LAMA2: variants seen among roughly 807,000 people sequenced by gnomAD.
LAMA2 encodes laminin subunit alpha-2.
LAMA2 carries 269 observed loss-of-function variants against 364.8 expected under a neutral mutation model. The ratio of observed to expected loss-of-function variants is 0.74; its 90% confidence interval spans 0.67 to 0.82. The LOEUF (loss-of-function observed/expected upper bound fraction) is 0.82, where lower values mean the gene tolerates loss of function less well. Ranked by LOEUF, LAMA2 falls within the 40% of genes least tolerant of loss-of-function variation. LAMA2 has a pLI of 0.00. For missense variants in LAMA2, 3,807 were observed against 3,873.2 expected (o/e 0.98, Z 0.45); for synonymous variants, 1,379 against 1,370.6 (o/e 1.01, Z -0.14).
intron 32 of LAMA2, among the ~76,000 whole-genome samples, chr6:129,360,465 AC>A (rs1477524643): frequency 2.0e-5 from 3 of 152,132 alleles, no homozygotes; most frequent in Non-Finnish European, 4.4e-5. Flanking sequence ...TTACCTTATA[AC>A]TTCATGAGCT....
rs374656305 is a variant in LAMA2, at chr6:129,315,535, G to A, written c.3615G>A (p.Thr1205=). Residue 1205 remains threonine (T), a synonymous_variant, in exon 25 of 65, where the codon ACG becomes ACA. Transcript: ENST00000421865. ...TGGTAGATGAGGCTCTGCAGCACAC[G>A]ACCACCAAGGGCATTGTTTTTCAAC... ...LPLVDEALQH[T]TTKGIVFQHP... is the part of the protein sequence containing the mutation. 1.4e-5 allele frequency: 23 copies of A among 1,613,998 alleles called. No individual in the cohort carries two copies. Among genetic ancestry groups the A allele is most frequent in the African/African-American group, 1.1e-4 (8 of 74,898 alleles).
chr6:129,152,591 C>T (rs539566603), intron 7 of LAMA2, among the ~76,000 whole-genome samples: 1 of 152,264 alleles, frequency 6.6e-6, no homozygotes, highest in East Asian at 1.9e-4. Flanking sequence ...TTCAGGCATT[C>T]TGCTAAGCAT....
chr6:129,119,268 A>AT (rs1410439696), intron 4 of LAMA2, among the ~76,000 whole-genome samples: 5 of 152,082 alleles, frequency 3.3e-5, no homozygotes, highest in South Asian at 2.1e-4. Context: ...AATGTTGTAC[A>AT]TTTTTTTAAT....
chr6:128,941,749 T>G (rs896685716), intron 1 of LAMA2, among the ~76,000 whole-genome samples: 9 of 152,148 alleles, frequency 5.9e-5, no homozygotes, highest in Non-Finnish European at 1.3e-4. Context: ...GATACACCAT[T>G]AAATATATTC....
intron 3 of LAMA2, among the ~76,000 whole-genome samples, chr6:129,087,207 A>G (rs1350156680): frequency 6.6e-6 from 1 of 152,198 alleles, no homozygotes; most frequent in Admixed American, 6.5e-5. Context: ...TACCATAACT[A>G]GCCTATCTCA....
In LAMA2 at chr6:129,465,276, A is replaced by T; in HGVS notation, c.7287A>T (p.Arg2429Ser). 2.5e-6 allele frequency: 4 copies of T among 1,611,278 alleles called. No individual in the cohort carries two copies. Among genetic ancestry groups the T allele is most frequent in the Non-Finnish European group, 3.4e-6 (4 of 1,178,058 alleles). Reference protein sequence around the residue: ...DGKWKSFTLSRIQKQANISIV... With the variant: ...DGKWKSFTLSSIQKQANISIV... ...AATGGAAATCATTCACTCTGTCAAG[A>T]ATTCAAAAACAAGGTGAGTTTTTAC... is the stretch of plus-strand genomic sequence containing the variant. The change falls in exon 51 of 65, where the codon AGA (arginine) becomes AGT (serine). Residue 2429 changes from arginine (R) to serine (S), a missense_variant. Physicochemically the swap from Arg to Ser is moderately radical, Grantham distance 110. Around this residue, in one of 3 missense-constraint regions of LAMA2, gnomAD observed 3,333 missense variants for 3,345.7 expected, o/e 1.00. Transcript: ENST00000421865.
intron 16 of LAMA2, among the ~76,000 whole-genome samples, chr6:129,269,881 A>G (rs1480882767): frequency 5.9e-5 from 9 of 152,174 alleles, no homozygotes. Flanking sequence ...TATCTTTTAA[A>G]AAGTTTTGTT....
chr6:129,466,261 T>C (rs1280668740), intron 51 of LAMA2, among the ~76,000 whole-genome samples: 1 of 151,876 alleles, frequency 6.6e-6, no homozygotes, highest in East Asian at 1.9e-4. Flanking sequence ...ATTGCTGTGA[T>C]AGAGATGTAT....
intron 34 of LAMA2, among the ~76,000 whole-genome samples, chr6:129,376,441 C>T (rs1017294282): frequency 4.6e-5 from 7 of 152,146 alleles, no homozygotes; most frequent in Non-Finnish European, 7.4e-5. Flanking sequence ...ATCTGTTCTC[C>T]GTAACGTAGC....
chr6:128,986,089 A>C (rs866734437), intron 1 of LAMA2, among the ~76,000 whole-genome samples: 2 of 152,114 alleles, frequency 1.3e-5, no homozygotes, highest in African/African-American at 4.8e-5. Flanking sequence ...TTGTATCTCT[A>C]TGAACTCATA....
chr6:129,194,949 A>T (rs946772627), intron 12 of LAMA2, among the ~76,000 whole-genome samples: 6 of 152,224 alleles, frequency 3.9e-5, no homozygotes, highest in Non-Finnish European at 8.8e-5. Context: ...TTGAGGCTAA[A>T]TTCTTTACCA....
intron 3 of LAMA2, among the ~76,000 whole-genome samples, chr6:129,070,814 G>T (rs1357139360): frequency 6.6e-6 from 1 of 152,108 alleles, no homozygotes; most frequent in Non-Finnish European, 1.5e-5. Flanking sequence ...GTCTTTTAAT[G>T]AAACATGCAT....
rs2114697609 is a variant in LAMA2 at position 129,403,835 on chromosome 6, C to G, written c.5741C>G (p.Ala1914Gly). The G allele has an allele frequency of 6.2e-7, 1 of 1,613,504 alleles. No individual in the cohort carries two copies. The highest frequency in any genetic ancestry group is 8.5e-7 in the Non-Finnish European group (1 of 1,179,618). The stretch of plus-strand genomic sequence containing the variant: ...CATCCCACCAGAATCCTTGATGAGG[C>G]TAAAAACATCTCCTTCAATGCCACT... ...SAVLDGILDE[A>G]KNISFNATAA... is the part of the protein sequence containing the mutation. Residue 1914 changes from alanine to glycine, a missense_variant, in exon 40 of 65, where the codon GCT (alanine) becomes GGT (glycine). Around this residue, in one of 3 missense-constraint regions of LAMA2, gnomAD observed 3,333 missense variants for 3,345.7 expected, o/e 1.00. Transcript: ENST00000421865.
rs151334775 is a variant in LAMA2 at position 129,503,200 on chromosome 6, C to T, written c.8467C>T (p.Pro2823Ser). 185 of 1,613,936 alleles carry T rather than the reference C, an allele frequency of 1.1e-4. No homozygotes were observed. The highest frequency in any genetic ancestry group is 1.5e-4 in the Non-Finnish European group (176 of 1,179,974). The change falls in exon 60 of 65, where the codon CCC (proline) becomes TCC (serine). Residue 2823 changes from proline (P) to serine (S), a missense_variant. Physicochemically the swap from Pro to Ser is moderately conservative, Grantham distance 74. Around this residue, in one of 3 missense-constraint regions of LAMA2, gnomAD observed 3,333 missense variants for 3,345.7 expected, o/e 1.00. Transcript: ENST00000421865. Reference protein sequence around the residue: ...FATVQLRNGLPYFSYDLGSGD... With the variant: ...FATVQLRNGLSYFSYDLGSGD... ...AACAGTTCAGCTGAGAAATGGATTG[C>T]CCTACTTCAGCTATGACTTGGGGAG... is the stretch of plus-strand genomic sequence containing the variant.
chr6:129,445,615 G>C (rs1782326329), intron 44 of LAMA2, 52 bp from the exon 45 acceptor site: 1 of 1,466,990 alleles, frequency 6.8e-7, no homozygotes, highest in Admixed American at 1.7e-5. Context: ...CTAATTCTGT[G>C]TGTGCACGTG....
chr6:129,172,369 C>A (rs1349805186), intron 9 of LAMA2, among the ~76,000 whole-genome samples: 1 of 152,216 alleles, frequency 6.6e-6, no homozygotes, highest in Admixed American at 6.5e-5. Context: ...GATGTCCTTT[C>A]TGTTTGTTAG....
chr6:129,184,614 C>T (rs190092927), intron 10 of LAMA2, among the ~76,000 whole-genome samples: 452 of 151,896 alleles, frequency 3.0e-3, no homozygotes, highest in Middle Eastern at 0.01. Context: ...TAGCAAGAAT[C>T]CCCCCTACCT....
chr6:129,253,012 TCA>T lies in LAMA2; in HGVS notation c.2096+718_2096+719del, dbSNP rs1160802922. Among the ~76,000 whole-genome samples the T allele has an allele frequency of 2.6e-5, 4 of 152,220 alleles. No homozygotes were observed. In the East Asian group the frequency reaches 7.7e-4, roughly 29 times the overall value. On this transcript the variant is annotated intron_variant, in intron 14 of 64. Coordinates refer to ENST00000421865, the MANE Select transcript of LAMA2 (RefSeq NM_000426.4). Reference sequence around the variant, plus strand: ...AAAGTACTCATCACCTAGAACACTTTCAGTTTTTTTCTTGTTCTCCCCGCCCC... The same window carrying T: ...AAAGTACTCATCACCTAGAACACTTTGTTTTTTTCTTGTTCTCCCCGCCCC...
intron 35 of LAMA2, among the ~76,000 whole-genome samples, chr6:129,387,772 C>T (rs1779096819): frequency 6.6e-6 from 1 of 152,140 alleles, no homozygotes; most frequent in African/African-American, 2.4e-5. Context: ...AAGCTGAAAG[C>T]TTCAGCATCC....
Sources: allele counts gnomAD v4.1 joint callset (sites outside exome capture counted in the v4.1 genomes callset), GRCh38; gene constraint gnomAD v4.1.1; regional missense constraint gnomAD v4.1.1; transcripts MANE v1.5; gene names NCBI Gene and HGNC (gene_info 2026-07-23, HGNC 2026-07-21).